PARP8: variants seen among roughly 807,000 people sequenced by gnomAD.
The protein encoded by PARP8 is poly(ADP-ribose) polymerase family member 8, also known as protein mono-ADP-ribosyltransferase PARP8.
A neutral mutation model predicts 124.1 loss-of-function variants in PARP8; 51 were observed. That is an observed-to-expected ratio of 0.41 (90% CI 0.33 to 0.52). The LOEUF (loss-of-function observed/expected upper bound fraction) is 0.52, where lower values mean the gene tolerates loss of function less well. Ranked by LOEUF, PARP8 falls within the 20% of genes least tolerant of loss-of-function variation. PARP8 has a pLI of 0.21. For missense variants in PARP8, 860 were observed against 1,018.9 expected (o/e 0.84, Z 2.12); for synonymous variants, 391 against 361.5 (o/e 1.08, Z -0.93).
In PARP8 at chr5:50,789,294, A is replaced by G. The variant is rs188259451; in HGVS notation, c.737+705A>G. Among the ~76,000 whole-genome samples, 229 of 152,302 alleles carry G rather than the reference A, an allele frequency of 1.5e-3. 1 individual carries two copies. The highest frequency in any genetic ancestry group is 2.7e-3 in the Non-Finnish European group (186 of 68,020). ...GATAGAGCCAGGATACAATGGCACT[A>G]GAAAGAAAAAAAATGCATCTTAGAA... is the stretch of plus-strand genomic sequence containing the variant. On this transcript the variant is annotated intron_variant, in intron 10 of 25. Transcript: ENST00000281631.
intron 18 of PARP8, among the ~76,000 whole-genome samples, chr5:50,825,489 T>C (rs1263823517): frequency 6.6e-6 from 1 of 152,166 alleles, no homozygotes; most frequent in Non-Finnish European, 1.5e-5. Context: ...TGGTGAGGGA[T>C]GTAGTGTTAC....
intron 2 of PARP8, among the ~76,000 whole-genome samples, chr5:50,708,998 G>C (rs1052993042): frequency 6.6e-6 from 1 of 151,860 alleles, no homozygotes; most frequent in African/African-American, 2.4e-5. Context: ...TGTTGTCCAG[G>C]CTGGTCTTGA....
chr5:50,775,894 C>G (rs1739957882), intron 7 of PARP8, among the ~76,000 whole-genome samples: 1 of 152,124 alleles, frequency 6.6e-6, no homozygotes, highest in African/African-American at 2.4e-5. Flanking sequence ...ATTTCTTTCT[C>G]TTGCCTGATT....
At chr5:50,818,459 A>G (rs939328560) in intron 15 of PARP8, among the ~76,000 whole-genome samples, 2 of 152,070 alleles carry the variant, frequency 1.3e-5, no homozygotes, top group Non-Finnish European at 2.9e-5. Flanking sequence ...TGAACTCCTG[A>G]TCTCAAGGGA....
At chr5:50,691,805 C>T (rs1393873841) in intron 2 of PARP8, among the ~76,000 whole-genome samples, 1 of 152,164 alleles carries the variant, frequency 6.6e-6, no homozygotes, top group Non-Finnish European at 1.5e-5. Flanking sequence ...TCAAGTTTCT[C>T]ATGCCAGTGC....
At position 50,671,511 on chromosome 5, in the gene PARP8, A is replaced by T. The variant is rs935997100; in HGVS notation, c.146+3386A>T. Among the ~76,000 whole-genome samples the T allele has an allele frequency of 5.3e-5, 8 of 152,278 alleles. No individual in the cohort carries two copies. In the Middle Eastern group the frequency reaches 0.017, roughly 324 times the overall value. On this transcript the variant is annotated intron_variant, in intron 2 of 25. Coordinates refer to ENST00000281631, the MANE Select transcript of PARP8 (RefSeq NM_024615.4). ...AATAAGAATTGTGTTTTGTAAAAAA[A>T]AAAAATAAAAAAAAAGTTAGAAGAA...
chr5:50,782,786 A>G (rs1253507293), intron 9 of PARP8, among the ~76,000 whole-genome samples: 1 of 152,136 alleles, frequency 6.6e-6, no homozygotes, highest in East Asian at 1.9e-4. Context: ...CAGAAAACAA[A>G]CCACTCTAGT....
intron 2 of PARP8, among the ~76,000 whole-genome samples, chr5:50,711,082 C>T (rs1242769533): frequency 1.3e-5 from 2 of 152,108 alleles, no homozygotes; most frequent in Non-Finnish European, 2.9e-5. Flanking sequence ...TACTGGTCGT[C>T]TGTAAAATAG....
In PARP8 at chr5:50,835,438, G is replaced by C. The variant is rs184481781; in HGVS notation, c.2462+423G>C. Among the ~76,000 whole-genome samples, 963 of 152,294 alleles carry C rather than the reference G, an allele frequency of 6.3e-3. 8 individuals are homozygous for C. Among genetic ancestry groups the C allele is most frequent in the Admixed American group, 9.9e-3 (152 of 15,292 alleles). On this transcript the variant is annotated intron_variant, in intron 25 of 25. Transcript: ENST00000281631. ...CATGCCTGTAGTCCCAGCTCCTGGG[G>C]CTGAGGCAGGAGAATCGCTTGAACC...
rs1315620374 is a variant in PARP8, at chr5:50,821,350, T to C, written c.1794+12T>C. 17 of 1,613,744 alleles carry C rather than the reference T, an allele frequency of 1.1e-5. No individual in the cohort carries two copies. The highest frequency in any genetic ancestry group is 2.7e-5 in the African/African-American group (2 of 74,928). ...CCTTCAACCCCAGGGTAAGTTGTTA[T>C]CATGGCACACCAATCACAAAGTTTT... On this transcript the variant is annotated intron_variant, in intron 16 of 25. Transcript: ENST00000281631.
intron 12 of PARP8, 30 bp from the exon 13 acceptor site, chr5:50,796,952 T>C: frequency 6.3e-7 from 1 of 1,575,970 alleles, no homozygotes; most frequent in South Asian, 1.2e-5. Context: ...TTAAAAAAAT[T>C]ATCATTTTTT....
chr5:50,792,266 GT>G (rs1427643069), intron 10 of PARP8, among the ~76,000 whole-genome samples: 11 of 152,188 alleles, frequency 7.2e-5, no homozygotes, highest in African/African-American at 2.6e-4. Context: ...TAAGGAGGTG[GT>G]TGTTATACCA....
At chr5:50,708,938 T>C (rs987047268) in intron 2 of PARP8, among the ~76,000 whole-genome samples, 7 of 149,456 alleles carry the variant, frequency 4.7e-5, no homozygotes, top group African/African-American at 1.7e-4. Context: ...CTTGCCACCA[T>C]GCCTGGCTGA....
intron 2 of PARP8, chr5:50,741,863 G>A: frequency 2.3e-6 from 1 of 442,148 alleles, no homozygotes; most frequent in Non-Finnish European, 4.5e-6. Flanking sequence ...CAGGCCGGGT[G>A]CAATAGCGCG....
chr5:50,749,298 T>A (rs1758960083), intron 2 of PARP8, among the ~76,000 whole-genome samples: 1 of 152,190 alleles, frequency 6.6e-6, no homozygotes, highest in Non-Finnish European at 1.5e-5. Context: ...AAAATTTGAC[T>A]TTTCTGTGGC....
At chr5:50,696,931 T>C (rs1316911956) in intron 2 of PARP8, among the ~76,000 whole-genome samples, 1 of 152,054 alleles carries the variant, frequency 6.6e-6, no homozygotes, top group Non-Finnish European at 1.5e-5. Flanking sequence ...TCCTTTATGG[T>C]AGTGAGACCC....
intron 15 of PARP8, among the ~76,000 whole-genome samples, chr5:50,816,177 C>T (rs1357936192): frequency 2.0e-5 from 3 of 152,056 alleles, no homozygotes; most frequent in Non-Finnish European, 4.4e-5. Context: ...TATGGCAGAT[C>T]AATGGCAGAT....
At chr5:50,838,011 T>G (rs1482032516) in intron 25 of PARP8, among the ~76,000 whole-genome samples, 4 of 152,040 alleles carry the variant, frequency 2.6e-5, no homozygotes, top group Non-Finnish European at 5.9e-5. Flanking sequence ...GAGACCCATA[T>G]GTAGAAATTA....
chr5:50,747,413 A>G (rs113775711), intron 2 of PARP8, among the ~76,000 whole-genome samples: 2,266 of 152,056 alleles, frequency 0.015, 59 homozygotes, highest in African/African-American at 0.052. Flanking sequence ...GTAGTGTTCT[A>G]TGAAAATCAG....
Sources: allele counts gnomAD v4.1 joint callset (sites outside exome capture counted in the v4.1 genomes callset), GRCh38; gene constraint gnomAD v4.1.1; transcripts MANE v1.5; gene names NCBI Gene and HGNC (gene_info 2026-07-23, HGNC 2026-07-21).